Variants in ENO2 observed in about 807,000 individuals in gnomAD.
The protein encoded by ENO2 is enolase 2.
In ENO2, 19 loss-of-function variants were observed where a neutral mutation model predicts 48.7. The observed-to-expected ratio is 0.39, with a 90% CI of 0.27 to 0.57. The LOEUF is 0.57. Among genes scored for constraint, ENO2 ranks in the 20% least tolerant of loss-of-function variants. ENO2 has a pLI of 0.58. For missense variants in ENO2, 416 were observed against 555.0 expected, an observed-to-expected ratio of 0.75 and a Z score of 2.52; for synonymous variants, 198 against 213.4, an observed-to-expected ratio of 0.93 and a Z score of 0.63.
intron 6 of ENO2, 49 bp downstream of exon 6, chr12:6,917,763 G>GC: frequency 6.7e-7 from 1 of 1,501,402 alleles, no homozygotes; most frequent in Non-Finnish European, 9.2e-7. Flanking sequence ...GTGGGGGAGG[G>GC]AGCATGCAAC....
rs1945288245 is a variant in ENO2 at position 6,916,046 on chromosome 12, G to T, written c.85+129G>T. The T allele has an allele frequency of 5.5e-6, 5 of 911,848 alleles. No homozygotes were observed. In the East Asian group the frequency reaches 1.0e-4, roughly 19 times the overall value. The allele number at this position is 911,848 out of a possible 1,614,324, so 56.5% of individuals were successfully genotyped here. A position where few individuals can be genotyped will look rare whatever the true frequency, so the allele number is the denominator to read the frequency against. On this transcript the variant is annotated intron_variant, in intron 2 of 11. Coordinates refer to ENST00000229277, the MANE Select transcript of ENO2 (RefSeq NM_001975.3). The surrounding 1 kb of genome is among the most constrained non-coding windows in gnomAD (Gnocchi z 4.5). ...GTGCTGGGCCAGGCTCACAAGCCTG[G>T]GTTGTGGCGGTTGGATCCTCCTTGT... is the stretch of plus-strand genomic sequence containing the variant.
At chr12:6,918,551 C>G (rs1457736490) in intron 7 of ENO2, among the ~76,000 whole-genome samples, 1 of 151,354 alleles carries the variant, frequency 6.6e-6, no homozygotes, top group African/African-American at 2.4e-5. Flanking sequence ...CAGGGTTTCA[C>G]TGTGGTCTCG....
chr12:6,919,437 C>A, intron 7 of ENO2, 129 bp from the exon 8 acceptor site: 2 of 1,014,062 alleles, frequency 2.0e-6, no homozygotes, highest in Non-Finnish European at 2.9e-6. Context: ...GGGATAACCC[C>A]AACAGCATCC....
chr12:6,918,248 G>C, intron 7 of ENO2, 86 bp downstream of exon 7: 1 of 1,424,438 alleles, frequency 7.0e-7, no homozygotes. Flanking sequence ...CAAGTCCTGA[G>C]TAGGCGTGGA....
intron 7 of ENO2, 27 bp downstream of exon 7, chr12:6,918,189 T>C: frequency 1.2e-6 from 2 of 1,610,854 alleles, no homozygotes; most frequent in South Asian, 1.1e-5. Flanking sequence ...CACTCCCAGC[T>C]CTAAGTCTTA....
At chr12:6,919,846 T>TC (rs1282855752) in intron 8 of ENO2, 83 bp downstream of exon 8, 3 of 1,458,134 alleles carry the variant, frequency 2.1e-6, no homozygotes, top group Middle Eastern at 2.4e-4. Flanking sequence ...GGGTGCTGAC[T>TC]CAGGCACCAG....
At chr12:6,920,984 A>C (rs1945336132) in intron 8 of ENO2, among the ~76,000 whole-genome samples, 1 of 150,312 alleles carries the variant, frequency 6.7e-6, no homozygotes, top group Non-Finnish European at 1.5e-5. Context: ...ATGGGGTTTT[A>C]CTATGTTAGC....
At position 6,916,665 on chromosome 12, in the gene ENO2, C is replaced by A; in HGVS notation, c.182-6C>A. ...CCGACCCAGTCCAGCCTCTTCCTTT[C>A]CCCAGGTGTCCTGAAGGCAGTGGAC... On this transcript the variant is annotated splice_region_variant and splice_polypyrimidine_tract_variant and intron_variant, in intron 3 of 11. Coordinates refer to ENST00000229277, the MANE Select transcript of ENO2 (RefSeq NM_001975.3). This position sits in a 1 kb window ranked among gnomAD's most constrained non-coding sequence, Gnocchi z 4.5. 6.2e-7 allele frequency: 1 copy of A among 1,614,180 alleles called. No individual in the cohort carries two copies. Among genetic ancestry groups the A allele is most frequent in the Non-Finnish European group, 8.5e-7 (1 of 1,180,018 alleles).
intron 8 of ENO2, 41 bp from the exon 9 acceptor site, chr12:6,921,540 A>T (rs1945340749): frequency 2.5e-6 from 4 of 1,598,574 alleles, no homozygotes; most frequent in Admixed American, 1.7e-5. Flanking sequence ...GACCCAGGGA[A>T]GATGAACACC....
At chr12:6,921,486 G>A in intron 8 of ENO2, 95 bp from the exon 9 acceptor site, 1 of 1,280,028 alleles carries the variant, frequency 7.8e-7, no homozygotes, top group Non-Finnish European at 1.1e-6. Context: ...CCAAGGGCCT[G>A]TCCATTTCAG....
chr12:6,916,052 G>A lies in ENO2; in HGVS notation c.85+135G>A. On this transcript the variant is annotated intron_variant, in intron 2 of 11. Coordinates refer to ENST00000229277, the MANE Select transcript of ENO2 (RefSeq NM_001975.3). This position sits in a 1 kb window ranked among gnomAD's most constrained non-coding sequence, Gnocchi z 4.5. ...GGCCAGGCTCACAAGCCTGGGTTGT[G>A]GCGGTTGGATCCTCCTTGTCCGGGG... is the stretch of plus-strand genomic sequence containing the variant. The A allele has an allele frequency of 3.3e-6, 3 of 897,484 alleles. No homozygotes were observed. The South Asian group carries it at 4.4e-5, about 13-fold the overall frequency. The allele number at this position is 897,484 out of a possible 1,614,324, so 55.6% of individuals were successfully genotyped here. A position where few individuals can be genotyped will look rare whatever the true frequency, so the allele number is the denominator to read the frequency against.
In ENO2 at chr12:6,916,278, G is replaced by T; in HGVS notation, c.86-139G>T. 1 of 736,074 alleles carries T rather than the reference G, an allele frequency of 1.4e-6. No individual in the cohort carries two copies. The highest frequency in any genetic ancestry group is 2.4e-4 in the Middle Eastern group (1 of 4,168). 45.6% of individuals were successfully genotyped at this position (736,074 alleles called of 1,614,324 possible). On this transcript the variant is annotated intron_variant, in intron 2 of 11. Transcript: ENST00000229277. This position sits in a 1 kb window ranked among gnomAD's most constrained non-coding sequence, Gnocchi z 4.5. ...GCATCTGCCTCAGTGTGTGTGTGGGGTGGGGGTGGGGGGATGTTAGGGAGC... is the reference window on the plus strand; with the variant it reads ...GCATCTGCCTCAGTGTGTGTGTGGGTTGGGGGTGGGGGGATGTTAGGGAGC...
rs1945308627 is a variant in ENO2 at position 6,918,130 on chromosome 12, G to A, written c.635G>A (p.Gly212Asp). 1.2e-6 allele frequency: 2 copies of A among 1,614,062 alleles called. No homozygotes were observed. The highest frequency in any genetic ancestry group is 1.3e-5 in the African/African-American group (1 of 74,924). ...KDATNVGDEG[G>D]FAPNILENSE... The stretch of plus-strand genomic sequence containing the variant: ...GCCACCAATGTGGGGGATGAAGGTG[G>A]CTTTGCCCCCAATATCCTGGAGAAC... Residue 212 changes from glycine (G) to aspartate (D), a missense_variant, in exon 7 of 12, where the codon GGC (glycine) becomes GAC (aspartate). Coordinates refer to ENST00000229277, the MANE Select transcript of ENO2 (RefSeq NM_001975.3).
Position 6,916,629 on chromosome 12 carries a change from C to G in ENO2, c.182-42C>G. 2 of 1,613,064 alleles carry G rather than the reference C, an allele frequency of 1.2e-6. No individual in the cohort carries two copies. The highest frequency in any genetic ancestry group is 1.7e-6 in the Non-Finnish European group (2 of 1,179,050). ...CCCTCCTCCCATTGATCCCTTCCGG[C>G]CCCTCCTGGCCCGACCCAGTCCAGC... On this transcript the variant is annotated intron_variant, in intron 3 of 11. Transcript: ENST00000229277. This position sits in a 1 kb window ranked among gnomAD's most constrained non-coding sequence, Gnocchi z 4.5.
chr12:6,920,372 TGG>T (rs147356894), intron 8 of ENO2, among the ~76,000 whole-genome samples: 6 of 82,508 alleles, frequency 7.3e-5, no homozygotes, highest in Admixed American at 3.9e-4. Context: ...AGATTTTTTT[TGG>T]GGGGGGGGTG....
Position 6,916,872 on chromosome 12 carries a change from G to T in ENO2, c.240+143G>T. The T allele has an allele frequency of 2.9e-6, 4 of 1,388,446 alleles. No homozygotes were observed. The highest frequency in any genetic ancestry group is 4.0e-6 in the Non-Finnish European group (4 of 1,004,132). 86.0% of individuals were successfully genotyped at this position (1,388,446 alleles called of 1,614,324 possible). On this transcript the variant is annotated intron_variant, in intron 4 of 11. Coordinates refer to ENST00000229277, the MANE Select transcript of ENO2 (RefSeq NM_001975.3). The surrounding 1 kb of genome is among the most constrained non-coding windows in gnomAD (Gnocchi z 4.5). Reference sequence around the variant, plus strand: ...AAGGGTGGGGAACAGCTTCCTTAATGCACCCTGCTCCCATGGGAGTTCAGG... The same window carrying T: ...AAGGGTGGGGAACAGCTTCCTTAATTCACCCTGCTCCCATGGGAGTTCAGG...
chr12:6,922,648 G>A lies in ENO2; in HGVS notation c.1236-83G>A. ...CACAAAAGCAGGTGGTGTGGGGGTG[G>A]TTGGAGTCTGGGGGACCCCTAGAGA... On this transcript the variant is annotated intron_variant, in intron 11 of 11. Transcript: ENST00000229277. The surrounding 1 kb of genome is among the most constrained non-coding windows in gnomAD (Gnocchi z 5.3). The A allele has an allele frequency of 1.3e-6, 2 of 1,523,350 alleles. No individual in the cohort carries two copies. Among genetic ancestry groups the A allele is most frequent in the South Asian group, 2.3e-5 (2 of 88,802 alleles). The allele number at this position is 1,523,350 out of a possible 1,614,324, so 94.4% of individuals were successfully genotyped here. A position where few individuals can be genotyped will look rare whatever the true frequency, so the allele number is the denominator to read the frequency against.
Position 6,917,135 on chromosome 12 carries a change from A to T in ENO2, c.310+28A>T, listed in dbSNP as rs200824186. The T allele has an allele frequency of 1.9e-5, 31 of 1,613,466 alleles. No individual in the cohort carries two copies. In the African/African-American group the frequency reaches 3.7e-4, roughly 19 times the overall value. The stretch of plus-strand genomic sequence containing the variant: ...GAGCCGGGGCCGGGAGAAAGTGGGG[A>T]AGCGTCAGGGTGGGGAGGCGTGGAG... On this transcript the variant is annotated intron_variant, in intron 5 of 11. Coordinates refer to ENST00000229277, the MANE Select transcript of ENO2 (RefSeq NM_001975.3).
In ENO2 at chr12:6,922,279, G is replaced by A; in HGVS notation, c.1177-65G>A. The A allele has an allele frequency of 3.1e-6, 5 of 1,613,154 alleles. No homozygotes were observed. Among genetic ancestry groups the A allele is most frequent in the Non-Finnish European group, 4.2e-6 (5 of 1,179,162 alleles). ...AGGGTGTCAGGGGAGTTTCAGGAGAGCAGAAGTTTCCTTTCAGGGGTGAGA... is the reference window on the plus strand; with the variant it reads ...AGGGTGTCAGGGGAGTTTCAGGAGAACAGAAGTTTCCTTTCAGGGGTGAGA... On this transcript the variant is annotated intron_variant, in intron 10 of 11. Coordinates refer to ENST00000229277, the MANE Select transcript of ENO2 (RefSeq NM_001975.3). This position sits in a 1 kb window ranked among gnomAD's most constrained non-coding sequence, Gnocchi z 5.3.
Sources: allele counts gnomAD v4.1 joint callset (sites outside exome capture counted in the v4.1 genomes callset), GRCh38; gene constraint gnomAD v4.1.1; non-coding constraint Gnocchi (gnomAD v3.1); transcripts MANE v1.5; gene names NCBI Gene and HGNC (gene_info 2026-07-23, HGNC 2026-07-21).